Variants in TMCC2 observed in about 807,000 individuals in gnomAD.
TMCC2 encodes the protein transmembrane and coiled-coil domain family 2.
TMCC2 carries 16 observed loss-of-function variants against 49.4 expected under a neutral mutation model. The ratio of observed to expected loss-of-function variants is 0.32; its 90% CI spans 0.22 to 0.49. TMCC2 has a LOEUF of 0.49. Ranked by LOEUF, TMCC2 falls within the 20% of genes least tolerant of loss-of-function variation. TMCC2 has a pLI of 0.99. For synonymous variants in TMCC2, 397 were observed against 434.1 expected (o/e 0.91, Z 1.06); for missense variants, 762 against 989.8 (o/e 0.77, Z 3.09).
At chr1:205,259,847 A>G (rs1574858317) in intron 2 of TMCC2, among the ~76,000 whole-genome samples, 1 of 152,354 alleles carries the variant, frequency 6.6e-6, no homozygotes, top group East Asian at 1.9e-4. Flanking sequence ...CACCAAGGCC[A>G]TGTGGAGGGG....
chr1:205,272,292 C>T lies in TMCC2; in HGVS notation c.*168C>T. ...CTTGCTTCTGTCTGACACCTTCTCC[C>T]TGTTGGCCTGAAGGGAGCTTAGAAT... On this transcript the variant is annotated 3_prime_UTR_variant, in exon 5 of 5. Coordinates refer to ENST00000358024, the MANE Select transcript of TMCC2 (RefSeq NM_014858.4). 3 of 1,352,138 alleles carry T rather than the reference C, an allele frequency of 2.2e-6. No individual in the cohort carries two copies. Among genetic ancestry groups the T allele is most frequent in the South Asian group, 1.5e-5 (1 of 65,272 alleles). 83.8% of individuals were successfully genotyped at this position (1,352,138 alleles called of 1,614,324 possible).
intron 2 of TMCC2, among the ~76,000 whole-genome samples, chr1:205,252,602 A>G (rs1660709131): frequency 6.6e-6 from 1 of 152,228 alleles, no homozygotes; most frequent in Non-Finnish European, 1.5e-5. Flanking sequence ...ATTTCCAAGC[A>G]GGCTTGGTGA....
rs1346417554 is a variant in TMCC2, at chr1:205,228,289, G to A, written c.-276G>A. The A allele has an allele frequency of 6.3e-6, 2 of 319,334 alleles. No individual in the cohort carries two copies. The highest frequency in any genetic ancestry group is 1.2e-5 in the Non-Finnish European group (2 of 171,744). The allele number at this position is 319,334 out of a possible 1,614,324, so 19.8% of individuals were successfully genotyped here. On this transcript the variant is annotated 5_prime_UTR_variant, in exon 1 of 5. Coordinates refer to ENST00000358024, the MANE Select transcript of TMCC2 (RefSeq NM_014858.4). ...CTCCCTTCTCCCTCCTGCAATGACT[G>A]CCCAAGGACTCTTGCTGCCCAGCCT...
intron 1 of TMCC2, among the ~76,000 whole-genome samples, chr1:205,239,157 A>T (rs1660169977): frequency 6.6e-6 from 1 of 152,214 alleles, no homozygotes; most frequent in Admixed American, 6.5e-5. Context: ...AAGCCAGTTT[A>T]GGAATGGGGG....
Position 205,269,837 on chromosome 1 carries a change from G to C in TMCC2, c.1635G>C (p.Gln545His), listed in dbSNP as rs1185985985. The change falls in exon 3 of 5, where the codon CAG becomes CAC. Residue 545 changes from glutamine to histidine, a missense_variant. Gln to His is a conservative substitution (Grantham distance 24). Transcript: ENST00000358024. ...TGGAAGACCTGAAGACTCAGCTGCA[G>C]AGGGACTACACCTACATGACCCAGT... ...DSMEDLKTQLQRDYTYMTQCL... is the reference protein window; with the variant it reads ...DSMEDLKTQLHRDYTYMTQCL... 2 of 1,614,098 alleles carry C rather than the reference G, an allele frequency of 1.2e-6. No individual in the cohort carries two copies. Among genetic ancestry groups the C allele is most frequent in the South Asian group, 2.2e-5 (2 of 91,084 alleles).
At chr1:205,237,634 AGTTTT>A (rs1660106632) in intron 1 of TMCC2, among the ~76,000 whole-genome samples, 1 of 152,236 alleles carries the variant, frequency 6.6e-6, no homozygotes, top group Non-Finnish European at 1.5e-5. Context: ...AAGGCATTTT[AGTTTT>A]GTATTCATGC....
chr1:205,234,410 C>T lies in TMCC2; in HGVS notation c.207+5639C>T, dbSNP rs917511650. Among the ~76,000 whole-genome samples the T allele has an allele frequency of 2.0e-5, 3 of 152,106 alleles. No individual in the cohort carries two copies. In the East Asian group the frequency reaches 5.8e-4, roughly 29 times the overall value. On this transcript the variant is annotated intron_variant, in intron 1 of 4. Transcript: ENST00000358024. Reference sequence around the variant, plus strand: ...GCAGTGAGCCGAGATCGTGCCACTGCACTCCAGCCTGGGCGACAGAGCGAG... The same window carrying T: ...GCAGTGAGCCGAGATCGTGCCACTGTACTCCAGCCTGGGCGACAGAGCGAG...
At chr1:205,235,812 G>T (rs1178141941) in intron 1 of TMCC2, among the ~76,000 whole-genome samples, 1 of 152,192 alleles carries the variant, frequency 6.6e-6, no homozygotes, top group African/African-American at 2.4e-5. Flanking sequence ...GCTCACGCCT[G>T]TAATCCCAGC....
intron 2 of TMCC2, among the ~76,000 whole-genome samples, chr1:205,257,887 C>T (rs1444649967): frequency 6.6e-6 from 1 of 152,192 alleles, no homozygotes; most frequent in Non-Finnish European, 1.5e-5. Context: ...GGGGCCCCAA[C>T]TGGGATCTGT....
chr1:205,229,636 T>G (rs1659713625), intron 1 of TMCC2: 1 of 982,934 alleles, frequency 1.0e-6, no homozygotes, highest in Non-Finnish European at 1.2e-6. Context: ...CTTGGAGATC[T>G]CTGCCTGCCT....
intron 2 of TMCC2, among the ~76,000 whole-genome samples, chr1:205,246,123 G>T (rs989772340): frequency 6.6e-6 from 1 of 152,046 alleles, no homozygotes; most frequent in Non-Finnish European, 1.5e-5. Flanking sequence ...CCTGTATTCT[G>T]GATTGGTTTC....
intron 1 of TMCC2, among the ~76,000 whole-genome samples, chr1:205,232,957 A>C (rs868080921): frequency 8.3e-4 from 111 of 134,420 alleles, no homozygotes; most frequent in Non-Finnish European, 1.1e-3. Context: ...AAAAAAAAAA[A>C]AAACACAAAA....
intron 2 of TMCC2, among the ~76,000 whole-genome samples, chr1:205,249,770 A>G (rs1438365520): frequency 6.6e-6 from 1 of 152,154 alleles, no homozygotes; most frequent in East Asian, 1.9e-4. Context: ...CTCTGCATGG[A>G]AAGGTCCCTT....
At chr1:205,237,770 C>T (rs950500421) in intron 1 of TMCC2, among the ~76,000 whole-genome samples, 6 of 152,202 alleles carry the variant, frequency 3.9e-5, no homozygotes, top group Non-Finnish European at 7.3e-5. Context: ...CTTTCAGAAG[C>T]CATCTAGTCC....
intron 2 of TMCC2, among the ~76,000 whole-genome samples, chr1:205,260,576 G>T (rs1232931077): frequency 6.6e-6 from 1 of 152,178 alleles, no homozygotes; most frequent in African/African-American, 2.4e-5. Flanking sequence ...GAGGACCCTG[G>T]CCTTCCACAC....
rs1239730930 is a variant in TMCC2, at chr1:205,241,686, A to G, written c.389A>G (p.His130Arg). Residue 130 changes from histidine (H) to arginine (R), a missense_variant, in exon 2 of 5, where the codon CAT (histidine) becomes CGT (arginine). By Grantham distance (29) the His-to-Arg change is conservative. Transcript: ENST00000358024. This position sits in a 1 kb window ranked among gnomAD's most constrained non-coding sequence, Gnocchi z 7.3. ...PDEKERSPEM[H>R]RVSYAMSLHD... ...GAGAAGGAGCGCTCTCCGGAGATGC[A>G]TCGCGTCTCCTACGCCATGTCCCTG... The G allele has an allele frequency of 1.9e-6, 3 of 1,613,758 alleles. No individual in the cohort carries two copies. The highest frequency in any genetic ancestry group is 1.6e-4 in the Middle Eastern group (1 of 6,062).
chr1:205,271,697 T>C, intron 4 of TMCC2, 116 bp from the exon 5 acceptor site: 1 of 1,362,418 alleles, frequency 7.3e-7, no homozygotes, highest in South Asian at 1.4e-5. Context: ...CCACTCCTCC[T>C]GGCCTTTGGA....
Position 205,271,897 on chromosome 1 carries a change from G to A in TMCC2, c.1903G>A (p.Glu635Lys). ...GCAGGTGGTACAGCTGGAGGGCGTG[G>A]AGAATGCCAACGCGCGGGCGCTGCT... ...QQQVVQLEGV[E>K]NANARALLGK... Residue 635 changes from glutamate to lysine, a missense_variant, in exon 5 of 5, where the codon GAG becomes AAG. Around this residue, in one of 2 missense-constraint regions of TMCC2, gnomAD observed 440 missense variants for 636.7 expected, o/e 0.69. Transcript: ENST00000358024. The A allele has an allele frequency of 1.9e-6, 3 of 1,614,180 alleles. No homozygotes were observed. Among genetic ancestry groups the A allele is most frequent in the South Asian group, 2.2e-5 (2 of 91,090 alleles).
intron 1 of TMCC2, among the ~76,000 whole-genome samples, chr1:205,237,970 G>C (rs1369254992): frequency 6.6e-6 from 1 of 152,172 alleles, no homozygotes; most frequent in Non-Finnish European, 1.5e-5. Context: ...CGGTCTTACA[G>C]ATCATGAAAG....
Sources: gnomAD v4.1 joint callset for allele counts (sites outside exome capture counted in the v4.1 genomes callset) on GRCh38, gnomAD v4.1.1 for gene constraint, gnomAD v4.1.1 regional missense constraint, Gnocchi (gnomAD v3.1) non-coding constraint, MANE v1.5 for transcripts, NCBI Gene and HGNC (gene_info 2026-07-23, HGNC 2026-07-21) for gene names.